FAM13A: variants seen among roughly 807,000 people sequenced by gnomAD.
FAM13A encodes the protein family with sequence similarity 13 member A.
Under a neutral mutation model 129.6 loss-of-function variants are expected in FAM13A, and 76 were observed. That is an observed-to-expected ratio of 0.59 (90% CI 0.49 to 0.71). The LOEUF (loss-of-function observed/expected upper bound fraction) is 0.71. Among genes scored for constraint, FAM13A ranks in the 30% least tolerant of loss-of-function variants. The pLI is 0.00. For missense variants in FAM13A, 1,108 were observed against 1,249.3 expected, an observed-to-expected ratio of 0.89 and a Z score of 1.70; for synonymous variants, 443 against 449.9, an observed-to-expected ratio of 0.98 and a Z score of 0.20.
In FAM13A at chr4:88,813,238, G is replaced by A. The variant is rs991643702; in HGVS notation, c.1008-8186C>T. 1.2e-4 allele frequency among the ~76,000 whole-genome samples: 18 copies of A among 152,006 alleles called. 1 individual carries two copies. The highest frequency in any genetic ancestry group is 4.4e-5 in the Non-Finnish European group (3 of 67,998). On this transcript the variant is annotated intron_variant, in intron 7 of 23. Transcript: ENST00000264344. ...GGGAAAAAAAATTATTTCACTTCAC[G>A]CCAAACACAAAGATTGTTTGAGGTT...
chr4:88,862,703 C>G (rs1022696679), intron 6 of FAM13A, among the ~76,000 whole-genome samples: 5 of 151,550 alleles, frequency 3.3e-5, no homozygotes, highest in Non-Finnish European at 5.9e-5. Context: ...TATTAGTTGT[C>G]TTCTCAGTGC....
intron 19 of FAM13A, among the ~76,000 whole-genome samples, chr4:88,746,356 T>G (rs1280373242): frequency 6.6e-6 from 1 of 152,228 alleles, no homozygotes; most frequent in Non-Finnish European, 1.5e-5. Context: ...CAATGCTTGC[T>G]GAACGGCAAG....
chr4:88,995,958 C>T (rs931647407), intron 3 of FAM13A, among the ~76,000 whole-genome samples: 43 of 152,146 alleles, frequency 2.8e-4, no homozygotes, highest in African/African-American at 9.7e-4. Context: ...AGAGTGATGT[C>T]AGGGTACAAG....
chr4:88,834,192 G>T, intron 7 of FAM13A, among the ~76,000 whole-genome samples: 1 of 143,496 alleles, frequency 7.0e-6, no homozygotes, highest in Admixed American at 7.0e-5. Flanking sequence ...GATTATAGGC[G>T]TGAGCCGCCA....
rs936659807 is a variant in FAM13A, at chr4:88,747,999, C to T, written c.2162-148G>A. ...CCGCCTCCTGGGTTCACGCCATTCT[C>T]CTGCCTCAGTCTCCTGAGTAGCTGG... On this transcript the variant is annotated intron_variant, in intron 17 of 23. Coordinates refer to ENST00000264344, the MANE Select transcript of FAM13A (RefSeq NM_014883.4). 1.3e-5 allele frequency: 8 copies of T among 597,866 alleles called. No individual in the cohort carries two copies. The African/African-American group carries it at 1.5e-4, about 11-fold the overall frequency. 37.0% of individuals were successfully genotyped at this position (597,866 alleles called of 1,614,324 possible). A position where few individuals can be genotyped will look rare whatever the true frequency, so the allele number is the denominator to read the frequency against.
At position 88,939,373 on chromosome 4, in the gene FAM13A, T is replaced by A. The variant is rs544403940; in HGVS notation, c.606-1132A>T. On this transcript the variant is annotated intron_variant, in intron 4 of 23. Transcript: ENST00000264344. ...TCACACGGCCTTCTCTACATGTGCTTAATCTCCCTCTACCCCATTCTTATA... is the reference window on the plus strand; with the variant it reads ...TCACACGGCCTTCTCTACATGTGCTAAATCTCCCTCTACCCCATTCTTATA... Among the ~76,000 whole-genome samples the A allele has an allele frequency of 3.9e-5, 6 of 152,264 alleles. No homozygotes were observed. The East Asian group carries it at 1.2e-3, about 29-fold the overall frequency.
chr4:88,911,195 A>G (rs936555596), intron 5 of FAM13A, among the ~76,000 whole-genome samples: 4 of 152,122 alleles, frequency 2.6e-5, no homozygotes, highest in African/African-American at 9.7e-5. Flanking sequence ...TCTCTTGCTA[A>G]TACCCTTAAT....
chr4:88,804,420 T>A (rs1258543303), intron 8 of FAM13A, among the ~76,000 whole-genome samples: 2 of 152,184 alleles, frequency 1.3e-5, no homozygotes, highest in African/African-American at 4.8e-5. Context: ...AAGGAAGACT[T>A]GATTCTAGGC....
At chr4:88,950,536 C>T (rs1403139382) in intron 4 of FAM13A, among the ~76,000 whole-genome samples, 1 of 152,100 alleles carries the variant, frequency 6.6e-6, no homozygotes, top group Admixed American at 6.5e-5. Flanking sequence ...CAAAGAGTAA[C>T]TCCTATGTGT....
intron 1 of FAM13A, among the ~76,000 whole-genome samples, chr4:89,049,618 T>G (rs1403229286): frequency 6.6e-6 from 1 of 152,232 alleles, no homozygotes; most frequent in Admixed American, 6.5e-5. Context: ...TGTCTACATT[T>G]TTCATAGAAT....
chr4:88,861,686 T>A (rs904533835), intron 6 of FAM13A, among the ~76,000 whole-genome samples: 1 of 152,152 alleles, frequency 6.6e-6, no homozygotes, highest in Non-Finnish European at 1.5e-5. Flanking sequence ...CTTAAAGAAG[T>A]AGATAGTCTA....
intron 7 of FAM13A, chr4:88,823,078 C>G: frequency 1.3e-6 from 2 of 1,599,884 alleles, no homozygotes; most frequent in South Asian, 1.1e-5. Flanking sequence ...GTACAGTGAA[C>G]GTCTTCTTAC....
At chr4:88,931,082 G>T (rs1752960379) in intron 5 of FAM13A, among the ~76,000 whole-genome samples, 1 of 152,020 alleles carries the variant, frequency 6.6e-6, no homozygotes, top group Non-Finnish European at 1.5e-5. Context: ...AGAAGCTGTG[G>T]GGAGTGCAGT....
chr4:89,042,286 T>C (rs1770250756), intron 1 of FAM13A, among the ~76,000 whole-genome samples: 1 of 152,068 alleles, frequency 6.6e-6, no homozygotes. Flanking sequence ...AAAGGACTTG[T>C]AGCCTGATGA....
chr4:88,882,333 G>A (rs1015367560), intron 6 of FAM13A, among the ~76,000 whole-genome samples: 4 of 152,086 alleles, frequency 2.6e-5, no homozygotes, highest in Non-Finnish European at 5.9e-5. Flanking sequence ...TCTTTAGACT[G>A]CTTAAACAAA....
intron 1 of FAM13A, among the ~76,000 whole-genome samples, chr4:89,047,348 A>G (rs1252824803): frequency 6.6e-6 from 1 of 152,112 alleles, no homozygotes; most frequent in Non-Finnish European, 1.5e-5. Context: ...TTTATACTCC[A>G]GACACGTGTT....
At position 88,904,202 on chromosome 4, in the gene FAM13A, A is replaced by G. The variant is rs568624442; in HGVS notation, c.843+2177T>C. On this transcript the variant is annotated intron_variant, in intron 6 of 23. Transcript: ENST00000264344. ...AATTAGTTCAACCATTGTGGCAGAGAATATGGTGATTCTGCAAAGATCTAG... is the reference window on the plus strand; with the variant it reads ...AATTAGTTCAACCATTGTGGCAGAGGATATGGTGATTCTGCAAAGATCTAG... Among the ~76,000 whole-genome samples, 12 of 152,338 alleles carry G rather than the reference A, an allele frequency of 7.9e-5. No homozygotes were observed. In the East Asian group the frequency reaches 2.3e-3, roughly 29 times the overall value.
intron 7 of FAM13A, among the ~76,000 whole-genome samples, chr4:88,805,719 A>G (rs1393204244): frequency 6.6e-6 from 1 of 152,052 alleles, no homozygotes; most frequent in Non-Finnish European, 1.5e-5. Context: ...GCCAGGCTAG[A>G]GTGCACTGGT....
chr4:88,912,506 A>G (rs1362695837), intron 5 of FAM13A, among the ~76,000 whole-genome samples: 2 of 151,858 alleles, frequency 1.3e-5, no homozygotes, highest in African/African-American at 2.4e-5. Flanking sequence ...AGAGCTCTTC[A>G]GCCTCCAAAA....
Sources: allele counts gnomAD v4.1 joint callset (sites outside exome capture counted in the v4.1 genomes callset), GRCh38; gene constraint gnomAD v4.1.1; transcripts MANE v1.5; gene names NCBI Gene and HGNC (gene_info 2026-07-23, HGNC 2026-07-21).